NCOA6: variants seen among roughly 807,000 people sequenced by gnomAD.
NCOA6 encodes NRC RAP250.
In NCOA6, 49 loss-of-function variants were observed where a neutral mutation model predicts 171.4. That is an observed-to-expected ratio of 0.29 (90% CI 0.23 to 0.36). The LOEUF is 0.36. Among genes scored for constraint, NCOA6 ranks in the 10% least tolerant of loss-of-function variants. NCOA6 has a pLI of 1.00. For missense variants in NCOA6, 2,248 were observed against 2,554.5 expected (o/e 0.88, Z 2.59); for synonymous variants, 910 against 927.5 (o/e 0.98, Z 0.34).
chr20:34,757,866 A>C lies in NCOA6; in HGVS notation c.882T>G (p.His294Gln), dbSNP rs1242547932. Residue 294 changes from histidine (H) to glutamine (Q), a missense_variant, in exon 7 of 15, where the codon CAT becomes CAG. His to Gln is a conservative substitution (Grantham distance 24). Around this residue, in one of 7 missense-constraint regions of NCOA6, gnomAD observed 987 missense variants for 1,104.7 expected, o/e 0.89. Coordinates refer to ENST00000359003, the MANE Select transcript of NCOA6 (RefSeq NM_014071.5). ...GAATTCCCTGTGGCTGTTGCTGCTG[A>C]TGTTGCTGTGGGGGTCTTGCCTGCA... ...QQLQARPPQQ[H>Q]QQQQPQGIRP... 3.1e-6 allele frequency: 5 copies of C among 1,613,830 alleles called. No individual in the cohort carries two copies. The highest frequency in any genetic ancestry group is 2.2e-5 in the South Asian group (2 of 91,056).
chr20:34,777,127 A>C lies in NCOA6; in HGVS notation c.236-679T>G, dbSNP rs1429425823. Among the ~76,000 whole-genome samples the C allele has an allele frequency of 8.6e-5, 13 of 151,708 alleles. 1 individual carries two copies. Among genetic ancestry groups the C allele is most frequent in the Admixed American group, 5.2e-4 (8 of 15,244 alleles). On this transcript the variant is annotated intron_variant, in intron 3 of 14. Transcript: ENST00000359003. ...GTGAGACTCCGTCTCAAAAAAAAAAAAAAAAAAAAAAGGTAAAGGACAGTT... is the reference window on the plus strand; with the variant it reads ...GTGAGACTCCGTCTCAAAAAAAAAACAAAAAAAAAAAGGTAAAGGACAGTT...
rs1175728872 is a variant in NCOA6 at position 34,817,190 on chromosome 20, T to A, written c.-164+8282A>T. On this transcript the variant is annotated intron_variant, in intron 1 of 14. Transcript: ENST00000359003. ...ATATAAATGGGTACTACGGAACTGA[T>A]ATTCAACAGATTCAATATCAGTAAA... 1.9e-3 allele frequency among the ~76,000 whole-genome samples: 133 copies of A among 71,698 alleles called. 27 individuals carry two copies. The highest frequency in any genetic ancestry group is 9.6e-3 in the Middle Eastern group (1 of 104). The allele number at this position is 71,698 out of a possible 152,430, so 47.0% of individuals were successfully genotyped here.
chr20:34,804,479 C>T (rs1287227460), intron 1 of NCOA6, among the ~76,000 whole-genome samples: 19 of 141,980 alleles, frequency 1.3e-4, no homozygotes, highest in Non-Finnish European at 2.6e-4. Context: ...TGTACTCCAG[C>T]ATGGGTAACA....
At chr20:34,812,145 T>G (rs2078686519) in intron 1 of NCOA6, among the ~76,000 whole-genome samples, 1 of 151,774 alleles carries the variant, frequency 6.6e-6, no homozygotes, top group Non-Finnish European at 1.5e-5. Context: ...CCCAGCTACT[T>G]GGGAGGCTGA....
At chr20:34,806,774 T>C (rs975796325) in intron 1 of NCOA6, among the ~76,000 whole-genome samples, 1 of 152,246 alleles carries the variant, frequency 6.6e-6, no homozygotes, top group Admixed American at 6.5e-5. Flanking sequence ...TGTCTGTTTT[T>C]ATGCCAGTGC....
intron 1 of NCOA6, among the ~76,000 whole-genome samples, chr20:34,792,964 G>T (rs1251181270): frequency 6.6e-6 from 1 of 151,516 alleles, no homozygotes; most frequent in South Asian, 2.1e-4. Context: ...ATTTTTTTTG[G>T]TAGAGATGGG....
chr20:34,756,509 G>C (rs1237104490), intron 7 of NCOA6, among the ~76,000 whole-genome samples: 7 of 152,152 alleles, frequency 4.6e-5, no homozygotes, highest in African/African-American at 1.7e-4. Context: ...ATGTGCACTA[G>C]ATCAATGATT....
intron 1 of NCOA6, among the ~76,000 whole-genome samples, chr20:34,796,259 C>G (rs2146390397): frequency 6.6e-6 from 1 of 151,996 alleles, no homozygotes; most frequent in Non-Finnish European, 1.5e-5. Context: ...ATCCTCCTGC[C>G]TCGGCCTCCC....
Position 34,758,791 on chromosome 20 carries a change from T to C in NCOA6, c.643+14A>G, listed in dbSNP as rs561968873. 4.8e-5 allele frequency: 77 copies of C among 1,611,514 alleles called. No individual in the cohort carries two copies. The highest frequency in any genetic ancestry group is 2.5e-4 in the Admixed American group (15 of 59,282). ...GTTTCAGACTCTTCATCCTCAAAGA[T>C]TGGAAGTCATTACCTGACTGAGAAG... is the stretch of plus-strand genomic sequence containing the variant. On this transcript the variant is annotated intron_variant, in intron 6 of 14. Coordinates refer to ENST00000359003, the MANE Select transcript of NCOA6 (RefSeq NM_014071.5).
In NCOA6 at chr20:34,759,994, T is replaced by C. The variant is rs545346802; in HGVS notation, c.515-1061A>G. Among the ~76,000 whole-genome samples, 221 of 152,252 alleles carry C rather than the reference T, an allele frequency of 1.5e-3. 2 individuals carry two copies. The highest frequency in any genetic ancestry group is 2.4e-3 in the Non-Finnish European group (161 of 68,008). ...TATCATCTATGCTCCTAAGTGAGAA[T>C]AGGTCAGGCATGGTAGCTCATGCCT... On this transcript the variant is annotated intron_variant, in intron 5 of 14. Coordinates refer to ENST00000359003, the MANE Select transcript of NCOA6 (RefSeq NM_014071.5).
rs1214345922 is a variant in NCOA6, at chr20:34,768,539, C to T, written c.439G>A (p.Val147Met). The stretch of plus-strand genomic sequence containing the variant: ...GCTCCCATGGGTCCATTCATTCTCA[C>T]ATCTTGGCTTCGGTTCTGAGCCAAA... Reference protein sequence around the residue: ...LALAQNRSQDVRMNGPMGAGN... With the variant: ...LALAQNRSQDMRMNGPMGAGN... Residue 147 changes from valine (V) to methionine (M), a missense_variant, in exon 5 of 15, where the codon GTG becomes ATG. By Grantham distance (21) the Val-to-Met change is conservative. Around this residue, in one of 7 missense-constraint regions of NCOA6, gnomAD observed 987 missense variants for 1,104.7 expected, o/e 0.89. Coordinates refer to ENST00000359003, the MANE Select transcript of NCOA6 (RefSeq NM_014071.5). 6.2e-7 allele frequency: 1 copy of T among 1,614,204 alleles called. No homozygotes were observed. The highest frequency in any genetic ancestry group is 1.1e-5 in the South Asian group (1 of 91,088).
At chr20:34,824,614 T>G (rs2079098378) in intron 1 of NCOA6, among the ~76,000 whole-genome samples, 1 of 151,978 alleles carries the variant, frequency 6.6e-6, no homozygotes, top group Non-Finnish European at 1.5e-5. Context: ...TTGATAAAGG[T>G]TCTCTCCTTC....
chr20:34,790,835 G>C (rs1254043773), intron 2 of NCOA6, among the ~76,000 whole-genome samples: 1 of 150,750 alleles, frequency 6.6e-6, no homozygotes, highest in Admixed American at 6.6e-5. Context: ...GTTTTTAGGA[G>C]AGATGAGGTT....
intron 4 of NCOA6, among the ~76,000 whole-genome samples, chr20:34,770,922 G>A (rs2077130977): frequency 6.6e-6 from 1 of 152,058 alleles, no homozygotes; most frequent in African/African-American, 2.4e-5. Context: ...GAGCCACCGT[G>A]CCAGGCCAGG....
chr20:34,807,170 T>C (rs1330727723), intron 1 of NCOA6, among the ~76,000 whole-genome samples: 1 of 152,212 alleles, frequency 6.6e-6, no homozygotes, highest in Non-Finnish European at 1.5e-5. Flanking sequence ...AGAAGCTACA[T>C]GGAAAGGAAT....
intron 2 of NCOA6, among the ~76,000 whole-genome samples, chr20:34,790,186 A>C (rs2146308397): frequency 6.6e-6 from 1 of 152,208 alleles, no homozygotes; most frequent in Non-Finnish European, 1.5e-5. Context: ...TGGATAAACA[A>C]ACTGTGGTAG....
At chr20:34,765,532 A>G (rs761392160) in intron 5 of NCOA6, among the ~76,000 whole-genome samples, 5 of 152,146 alleles carry the variant, frequency 3.3e-5, no homozygotes, top group Non-Finnish European at 5.9e-5. Flanking sequence ...TACATGTTCA[A>G]TAGTGACACT....
intron 13 of NCOA6, among the ~76,000 whole-genome samples, chr20:34,727,721 CTTTT>C (rs1990136967): frequency 2.0e-5 from 3 of 149,342 alleles, no homozygotes; most frequent in African/African-American, 7.4e-5. Flanking sequence ...ATTTTCTTTT[CTTTT>C]CTTTTTTTTT....
Position 34,782,248 on chromosome 20 carries a change from G to GTCA in NCOA6, c.105_107dup (p.Asp36dup), listed in dbSNP as rs751946058. On this transcript the variant is annotated inframe_insertion, in exon 3 of 15. Coordinates refer to ENST00000359003, the MANE Select transcript of NCOA6 (RefSeq NM_014071.5). ...CCTCCAAAATACTATCACTTTTTGT[G>GTCA]TCATCATCTTCTAGTCCAGAGTCAA... is the stretch of plus-strand genomic sequence containing the variant. 6 of 1,612,378 alleles carry GTCA rather than the reference G, an allele frequency of 3.7e-6. No homozygotes were observed. Among genetic ancestry groups the GTCA allele is most frequent in the Non-Finnish European group, 5.1e-6 (6 of 1,179,086 alleles).
Sources: gnomAD v4.1 joint callset for allele counts (sites outside exome capture counted in the v4.1 genomes callset) on GRCh38, gnomAD v4.1.1 for gene constraint, gnomAD v4.1.1 regional missense constraint, MANE v1.5 for transcripts, NCBI Gene and HGNC (gene_info 2026-07-23, HGNC 2026-07-21) for gene names.